The following CENPP variants were observed in gnomAD, a reference collection of about 807,000 sequenced individuals.
CENPP encodes centromere protein P.
A neutral mutation model predicts 35.6 loss-of-function variants in CENPP; 24 were observed. The observed-to-expected ratio is 0.67, with a 90% CI of 0.49 to 0.95. CENPP has a LOEUF of 0.95. Among genes scored for constraint, CENPP ranks in the 40% least tolerant of loss-of-function variants. The pLI, the probability that CENPP is intolerant of heterozygous loss-of-function variation, is 0.00. For missense variants in CENPP, 332 were observed against 345.3 expected (o/e 0.96, Z 0.31); for synonymous variants, 120 against 125.5 (o/e 0.96, Z 0.29).
At chr9:92,398,126 A>G (rs1173744622) in intron 5 of CENPP, among the ~76,000 whole-genome samples, 1 of 152,014 alleles carries the variant, frequency 6.6e-6, no homozygotes, top group Non-Finnish European at 1.5e-5. Context: ...TAACAAACCT[A>G]CTCACTGGAA....
intron 5 of CENPP, among the ~76,000 whole-genome samples, chr9:92,444,262 A>C (rs1373268896): frequency 6.6e-6 from 1 of 152,138 alleles, no homozygotes; most frequent in Non-Finnish European, 1.5e-5. Context: ...CATTTCCCTG[A>C]TGATTAGTGA....
intron 5 of CENPP, among the ~76,000 whole-genome samples, chr9:92,460,042 T>A (rs575498230): frequency 3.2e-4 from 48 of 150,986 alleles, no homozygotes; most frequent in African/African-American, 1.1e-3. Context: ...GCAGAGGTGG[T>A]AATAACGGTG....
At position 92,619,211 on chromosome 9, in the gene CENPP, T is replaced by C. The variant is rs565112268; in HGVS notation, c.*6062T>C. The C allele has an allele frequency of 2.3e-4, 90 of 395,674 alleles. No homozygotes were observed. The highest frequency in any genetic ancestry group is 1.7e-3 in the African/African-American group (84 of 49,964). The allele number at this position is 395,674 out of a possible 1,614,324, so 24.5% of individuals were successfully genotyped here. A position where few individuals can be genotyped will look rare whatever the true frequency, so the allele number is the denominator to read the frequency against. On this transcript the variant is annotated 3_prime_UTR_variant, in exon 8 of 8. Coordinates refer to ENST00000375587, the MANE Select transcript of CENPP (RefSeq NM_001012267.3). ...GGCAGCTCACTGTCCACATTGTTTC[T>C]GAGCTCTTGGGAGTATTTTCTTAGA...
At chr9:92,504,893 C>A (rs1395418608) in intron 5 of CENPP, among the ~76,000 whole-genome samples, 1 of 152,110 alleles carries the variant, frequency 6.6e-6, no homozygotes, top group African/African-American at 2.4e-5. Context: ...CAGCCAAAGA[C>A]CCCCAGGAGC....
chr9:92,482,857 CT>C (rs1017353699), intron 5 of CENPP, among the ~76,000 whole-genome samples: 4 of 151,038 alleles, frequency 2.6e-5, no homozygotes, highest in Admixed American at 1.3e-4. Flanking sequence ...AAGAACCATA[CT>C]TTTTTTTTCT....
Position 92,615,667 on chromosome 9 carries a change from G to T in CENPP, c.*2518G>T. On this transcript the variant is annotated 3_prime_UTR_variant, in exon 8 of 8. Transcript: ENST00000375587. ...TCCTACATTCCTTGTCCAGGAAGTT[G>T]TTTCTAGTGCTCTTCAATTCCATGT... is the stretch of plus-strand genomic sequence containing the variant. The T allele has an allele frequency of 3.4e-6, 2 of 593,136 alleles. No individual in the cohort carries two copies. The highest frequency in any genetic ancestry group is 6.0e-6 in the Non-Finnish European group (2 of 333,618). 36.7% of individuals were successfully genotyped at this position (593,136 alleles called of 1,614,324 possible). A position where few individuals can be genotyped will look rare whatever the true frequency, so the allele number is the denominator to read the frequency against.
intron 4 of CENPP, among the ~76,000 whole-genome samples, chr9:92,348,523 G>C (rs1313044645): frequency 6.6e-6 from 1 of 151,742 alleles, no homozygotes; most frequent in East Asian, 1.9e-4. Flanking sequence ...CTCCCAAGTA[G>C]CTGGGACTAC....
rs1207033244 is a variant in CENPP, at chr9:92,416,639, A to G, written c.564+36780A>G. The G allele has an allele frequency of 1.3e-6, 2 of 1,562,016 alleles. No homozygotes were observed. The highest frequency in any genetic ancestry group is 2.8e-5 in the African/African-American group (2 of 72,558). On this transcript the variant is annotated intron_variant, in intron 5 of 7. Coordinates refer to ENST00000375587, the MANE Select transcript of CENPP (RefSeq NM_001012267.3). Reference sequence around the variant, plus strand: ...CATACTTTCTATTTCATTATTTTGTAGGTATAGGTGTTCCAAATTTCTTGG... The same window carrying G: ...CATACTTTCTATTTCATTATTTTGTGGGTATAGGTGTTCCAAATTTCTTGG...
At chr9:92,493,844 A>AT (rs1846237828) in intron 5 of CENPP, 2 of 300,532 alleles carry the variant, frequency 6.7e-6, no homozygotes, top group East Asian at 5.3e-5. Flanking sequence ...TCTGATTTTC[A>AT]TTTTTTTCTT....
intron 5 of CENPP, among the ~76,000 whole-genome samples, chr9:92,438,910 T>G (rs1588130092): frequency 6.6e-6 from 1 of 152,184 alleles, no homozygotes; most frequent in East Asian, 1.9e-4. Context: ...GAGGTTGCAT[T>G]ACTGCACTCC....
chr9:92,549,541 G>C (rs776331219), intron 5 of CENPP, among the ~76,000 whole-genome samples: 1 of 151,958 alleles, frequency 6.6e-6, no homozygotes, highest in Non-Finnish European at 1.5e-5. Context: ...CAGCCACTCG[G>C]GAGGCTGAGG....
At chr9:92,393,962 T>TGG (rs1842790384) in intron 5 of CENPP, among the ~76,000 whole-genome samples, 1 of 152,174 alleles carries the variant, frequency 6.6e-6, no homozygotes, top group African/African-American at 2.4e-5. Context: ...TTGGTTCAAC[T>TGG]AGTATTTGCC....
chr9:92,561,871 G>A lies in CENPP; in HGVS notation c.565-49443G>A, dbSNP rs565862818. ...TGGTTCTTTGCTAGGCACTGTACAC[G>A]TGTAATCTCAAGAAATTCTTCAACC... On this transcript the variant is annotated intron_variant, in intron 5 of 7. Transcript: ENST00000375587. 1.8e-4 allele frequency among the ~76,000 whole-genome samples: 27 copies of A among 152,282 alleles called. No individual in the cohort carries two copies. In the South Asian group the frequency reaches 2.5e-3, roughly 14 times the overall value.
At position 92,378,510 on chromosome 9, in the gene CENPP, G is replaced by A. The variant is rs185125415; in HGVS notation, c.468-1253G>A. Among the ~76,000 whole-genome samples the A allele has an allele frequency of 5.9e-5, 9 of 152,226 alleles. No homozygotes were observed. The East Asian group carries it at 1.5e-3, about 26-fold the overall frequency. On this transcript the variant is annotated intron_variant, in intron 4 of 7. Transcript: ENST00000375587. ...CCCTTGATTCCTGAAGACTCTACCT[G>A]TCCTGCTTTCTTCATTCCACATTTC...
Position 92,616,031 on chromosome 9 carries a change from G to A in CENPP, c.*2882G>A, listed in dbSNP as rs1296255155. Reference sequence around the variant, plus strand: ...GGAAAAGGCAAACCTGGACCTCGATGAAGGGACGACAGGCCTTTGATCAGA... The same window carrying A: ...GGAAAAGGCAAACCTGGACCTCGATAAAGGGACGACAGGCCTTTGATCAGA... On this transcript the variant is annotated 3_prime_UTR_variant, in exon 8 of 8. Transcript: ENST00000375587. The A allele has an allele frequency of 1.2e-6, 2 of 1,613,960 alleles. No individual in the cohort carries two copies. The highest frequency in any genetic ancestry group is 4.5e-5 in the East Asian group (2 of 44,898).
At chr9:92,473,428 C>T (rs957750851) in intron 5 of CENPP, among the ~76,000 whole-genome samples, 2 of 152,118 alleles carry the variant, frequency 1.3e-5, no homozygotes, top group Admixed American at 1.3e-4. Context: ...AACATGCACC[C>T]ACTTTGCAAA....
chr9:92,585,873 G>A (rs1850527826), intron 5 of CENPP, among the ~76,000 whole-genome samples: 1 of 152,144 alleles, frequency 6.6e-6, no homozygotes. Flanking sequence ...CATGTTCTTG[G>A]TGTAGCTTGC....
chr9:92,599,617 A>G (rs894693378), intron 5 of CENPP, among the ~76,000 whole-genome samples: 1 of 151,854 alleles, frequency 6.6e-6, no homozygotes, highest in African/African-American at 2.4e-5. Context: ...GGGTTTCACC[A>G]TGTTGGCCAG....
chr9:92,525,929 TGTACA>T (rs990284243), intron 5 of CENPP, among the ~76,000 whole-genome samples: 12 of 150,764 alleles, frequency 8.0e-5, no homozygotes, highest in African/African-American at 2.0e-4. Context: ...CATACAATTA[TGTACA>T]GTACAGTACA....
Sources: gnomAD v4.1 joint callset for allele counts (sites outside exome capture counted in the v4.1 genomes callset) on GRCh38, gnomAD v4.1.1 for gene constraint, MANE v1.5 for transcripts, NCBI Gene and HGNC (gene_info 2026-07-23, HGNC 2026-07-21) for gene names.